ADCY2: variants seen among roughly 807,000 people sequenced by gnomAD.
ADCY2 encodes adenylate cyclase 2.
Under a neutral mutation model 125.2 loss-of-function variants are expected in ADCY2, and 31 were observed. The ratio of observed to expected loss-of-function variants is 0.25; its 90% CI spans 0.19 to 0.33. The LOEUF (loss-of-function observed/expected upper bound fraction) is 0.33, where lower values mean the gene tolerates loss of function less well. ADCY2 is among the 10% of genes least tolerant of loss of function. The pLI is 1.00. For synonymous variants in ADCY2, 512 were observed against 548.4 expected (o/e 0.93, Z 0.93); for missense variants, 904 against 1,418.2 (o/e 0.64, Z 5.82).
At chr5:7,735,594 CTTCTA>C (rs1463712657) in intron 14 of ADCY2, among the ~76,000 whole-genome samples, 10 of 152,020 alleles carry the variant, frequency 6.6e-5, no homozygotes, top group Non-Finnish European at 1.3e-4. Flanking sequence ...TGTGTTTTTT[CTTCTA>C]TTCTATTAAT....
At chr5:7,784,563 A>G in intron 19 of ADCY2, 114 bp downstream of exon 19, 1 of 713,894 alleles carries the variant, frequency 1.4e-6, no homozygotes, top group Non-Finnish European at 2.3e-6. Flanking sequence ...AAGAATTAGA[A>G]TCATCTTATC....
intron 3 of ADCY2, among the ~76,000 whole-genome samples, chr5:7,616,660 C>T (rs1190471411): frequency 1.3e-5 from 2 of 152,124 alleles, no homozygotes; most frequent in African/African-American, 4.8e-5. Context: ...ATGTCTAAGG[C>T]TTGCCCATTT....
chr5:7,779,755 G>C (rs1308259557), intron 18 of ADCY2, among the ~76,000 whole-genome samples: 1 of 152,232 alleles, frequency 6.6e-6, no homozygotes, highest in Non-Finnish European at 1.5e-5. Flanking sequence ...GTCCCTGGAA[G>C]ATGTTGGGCC....
intron 1 of ADCY2, among the ~76,000 whole-genome samples, chr5:7,406,758 AGTTCAG>A (rs1326274970): frequency 2.0e-5 from 3 of 152,180 alleles, no homozygotes; most frequent in African/African-American, 4.8e-5. Flanking sequence ...GAACATCCAT[AGTTCAG>A]GTTAGTTTTT....
chr5:7,726,262 TGA>T (rs1741927913), intron 13 of ADCY2, among the ~76,000 whole-genome samples: 3 of 152,204 alleles, frequency 2.0e-5, no homozygotes, highest in Admixed American at 1.3e-4. Context: ...GCCTCATGGT[TGA>T]GAGTCTGAGT....
intron 3 of ADCY2, among the ~76,000 whole-genome samples, chr5:7,620,415 T>C (rs1257614357): frequency 1.3e-5 from 2 of 152,132 alleles, no homozygotes; most frequent in African/African-American, 2.4e-5. Flanking sequence ...CTCACTCCAC[T>C]CCTCCTCATT....
Position 7,508,233 on chromosome 5 carries a change from G to A in ADCY2, c.409-12505G>A, listed in dbSNP as rs1407971742. Among the ~76,000 whole-genome samples the A allele has an allele frequency of 2.6e-5, 4 of 152,258 alleles. No homozygotes were observed. The East Asian group carries it at 7.7e-4, about 29-fold the overall frequency. ...AGCATAATTACCAATTTTTAGGTTT[G>A]TGTTACCGTAACATCTTACTTCTGA... On this transcript the variant is annotated intron_variant, in intron 2 of 24. Transcript: ENST00000338316.
At chr5:7,604,037 A>G (rs1169543332) in intron 3 of ADCY2, among the ~76,000 whole-genome samples, 32 of 56,286 alleles carry the variant, frequency 5.7e-4, no homozygotes, top group South Asian at 7.9e-4. Context: ...TCATTGTTCA[A>G]TTCCCACCTA....
rs181160651 is a variant in ADCY2, at chr5:7,721,419, A to G, written c.1704-3126A>G. 5.9e-5 allele frequency among the ~76,000 whole-genome samples: 9 copies of G among 152,284 alleles called. No homozygotes were observed. The East Asian group carries it at 1.5e-3, about 26-fold the overall frequency. ...TAGTTTAATTAGCATCCATTTGTCA[A>G]TTTTGGCTTTTGTTGCCATCACTTT... On this transcript the variant is annotated intron_variant, in intron 12 of 24. Coordinates refer to ENST00000338316, the MANE Select transcript of ADCY2 (RefSeq NM_020546.3).
intron 7 of ADCY2, 74 bp from the exon 8 acceptor site, chr5:7,706,670 C>G (rs1741276492): frequency 1.3e-6 from 2 of 1,534,178 alleles, no homozygotes; most frequent in Admixed American, 3.5e-5. Context: ...TAATAAAATA[C>G]TGGGAAAATT....
rs561359357 is a variant in ADCY2 at position 7,699,081 on chromosome 5, ATTTTTTTTTTTTTTTT to A, written c.1109+726_1109+741del. On this transcript the variant is annotated intron_variant, in intron 7 of 24. Transcript: ENST00000338316. ...CCTGAGTCAGGAAACAACAGTAAGC[ATTTTTTTTTTTTTTTT>A]TTTTTTTTTTTTTTTTTTGAGACGG... Among the ~76,000 whole-genome samples, 91 of 37,974 alleles carry A rather than the reference ATTTTTTTTTTTTTTTT, an allele frequency of 2.4e-3. 1 individual carries two copies. The highest frequency in any genetic ancestry group is 4.1e-3 in the East Asian group (3 of 726). 24.9% of individuals were successfully genotyped at this position (37,974 alleles called of 152,430 possible). A position where few individuals can be genotyped will look rare whatever the true frequency, so the allele number is the denominator to read the frequency against.
intron 3 of ADCY2, among the ~76,000 whole-genome samples, chr5:7,529,909 G>T (rs1330209900): frequency 1.3e-5 from 2 of 152,074 alleles, no homozygotes; most frequent in African/African-American, 4.8e-5. Flanking sequence ...CTAGTTGTTG[G>T]ACTTGCATAG....
intron 12 of ADCY2, among the ~76,000 whole-genome samples, chr5:7,717,507 T>C (rs1426752971): frequency 1.3e-5 from 2 of 152,226 alleles, no homozygotes; most frequent in Admixed American, 1.3e-4. Context: ...TACAGCACGA[T>C]GTGTTCAGCA....
intron 12 of ADCY2, among the ~76,000 whole-genome samples, chr5:7,721,312 G>A (rs1255433281): frequency 6.6e-6 from 1 of 152,020 alleles, no homozygotes; most frequent in Non-Finnish European, 1.5e-5. Context: ...TTGTCAGATG[G>A]GTAGATTATA....
intron 2 of ADCY2, among the ~76,000 whole-genome samples, chr5:7,438,389 A>G (rs2126392851): frequency 6.6e-6 from 1 of 152,364 alleles, no homozygotes; most frequent in African/African-American, 2.4e-5. Context: ...CATGCAACGC[A>G]TCAGTAAGTT....
intron 2 of ADCY2, among the ~76,000 whole-genome samples, chr5:7,441,230 G>A (rs1741002166): frequency 1.3e-5 from 2 of 152,178 alleles, no homozygotes; most frequent in South Asian, 4.1e-4. Context: ...TCCACTGAGA[G>A]TAGTTTGGCA....
chr5:7,607,707 G>A (rs111714121), intron 3 of ADCY2, among the ~76,000 whole-genome samples: 80 of 152,290 alleles, frequency 5.3e-4, no homozygotes, highest in African/African-American at 1.9e-3. Flanking sequence ...AATGAAATTT[G>A]CATTTATATA....
At chr5:7,491,384 C>G (rs1461218310) in intron 2 of ADCY2, among the ~76,000 whole-genome samples, 2 of 152,178 alleles carry the variant, frequency 1.3e-5, no homozygotes, top group African/African-American at 4.8e-5. Context: ...TCCTGAGCAG[C>G]TGGGATTACA....
chr5:7,505,622 G>T (rs1421437454), intron 2 of ADCY2, among the ~76,000 whole-genome samples: 1 of 152,194 alleles, frequency 6.6e-6, no homozygotes, highest in Non-Finnish European at 1.5e-5. Context: ...TCACGGATAT[G>T]CATCTTTCCT....
Sources: gnomAD v4.1 joint callset for allele counts (sites outside exome capture counted in the v4.1 genomes callset) on GRCh38, gnomAD v4.1.1 for gene constraint, MANE v1.5 for transcripts, NCBI Gene and HGNC (gene_info 2026-07-23, HGNC 2026-07-21) for gene names.